DACH1: variants seen among roughly 807,000 people sequenced by gnomAD.
DACH1 encodes the protein dachshund homolog 1.
A neutral mutation model predicts 54.2 loss-of-function variants in DACH1; 12 were observed. The observed-to-expected ratio is 0.22, with a 90% CI of 0.14 to 0.36. The LOEUF (loss-of-function observed/expected upper bound fraction) is 0.36, where lower values mean the gene tolerates loss of function less well. DACH1 is among the 10% of genes least tolerant of loss of function. The pLI is 1.00. For missense variants in DACH1, 805 were observed against 929.8 expected, an observed-to-expected ratio of 0.87 and a Z score of 1.75; for synonymous variants, 386 against 366.2, an observed-to-expected ratio of 1.05 and a Z score of -0.62.
At chr13:71,594,448 C>T (rs996478210) in intron 3 of DACH1, among the ~76,000 whole-genome samples, 1 of 152,004 alleles carries the variant, frequency 6.6e-6, no homozygotes, top group African/African-American at 2.4e-5. Flanking sequence ...GGAAATTTCT[C>T]TCTATCCTTC....
chr13:71,697,977 G>A (rs1034889936), intron 1 of DACH1, among the ~76,000 whole-genome samples: 2 of 152,120 alleles, frequency 1.3e-5, no homozygotes, highest in African/African-American at 4.8e-5. Context: ...ATGCCAGAAA[G>A]TACTGAGTAA....
At chr13:71,804,617 A>ATTGG (rs1393616412) in intron 1 of DACH1, among the ~76,000 whole-genome samples, 1 of 152,128 alleles carries the variant, frequency 6.6e-6, no homozygotes, top group East Asian at 1.9e-4. Context: ...TAGCTACATG[A>ATTGG]TTGGACCTCT....
chr13:71,524,912 T>A (rs1036167661), intron 6 of DACH1, among the ~76,000 whole-genome samples: 4 of 152,134 alleles, frequency 2.6e-5, no homozygotes, highest in Admixed American at 1.3e-4. Flanking sequence ...TAAACGCTTT[T>A]GAAAACATTA....
chr13:71,598,418 C>A (rs764487646), intron 3 of DACH1, among the ~76,000 whole-genome samples: 1 of 151,968 alleles, frequency 6.6e-6, no homozygotes, highest in African/African-American at 2.4e-5. Context: ...CCACGCCCGG[C>A]TAATTTTTGT....
chr13:71,818,398 T>C (rs953296393), intron 1 of DACH1, among the ~76,000 whole-genome samples: 5 of 151,972 alleles, frequency 3.3e-5, no homozygotes, highest in Non-Finnish European at 7.4e-5. Flanking sequence ...CACCAGAGAA[T>C]AGGTTATTAC....
intron 1 of DACH1, among the ~76,000 whole-genome samples, chr13:71,770,301 A>G (rs1885800540): frequency 6.6e-6 from 1 of 151,642 alleles, no homozygotes; most frequent in Non-Finnish European, 1.5e-5. Flanking sequence ...AACAGTCTAA[A>G]GTATCAACAA....
chr13:71,517,738 A>T (rs1881269729), intron 6 of DACH1, among the ~76,000 whole-genome samples: 1 of 151,872 alleles, frequency 6.6e-6, no homozygotes, highest in Non-Finnish European at 1.5e-5. Flanking sequence ...AGAAGTCCTG[A>T]AGCATTGCTT....
chr13:71,780,241 G>T (rs1214102709), intron 1 of DACH1, among the ~76,000 whole-genome samples: 1 of 152,140 alleles, frequency 6.6e-6, no homozygotes, highest in African/African-American at 2.4e-5. Context: ...AGCTTGGCAA[G>T]TTGAGGGAAC....
intron 1 of DACH1, among the ~76,000 whole-genome samples, chr13:71,742,024 T>A (rs765445880): frequency 2.6e-5 from 4 of 152,292 alleles, no homozygotes; most frequent in Admixed American, 6.5e-5. Context: ...GGGGAGGTAA[T>A]TGAATCATGG....
chr13:71,593,626 A>C (rs1449102093), intron 3 of DACH1, among the ~76,000 whole-genome samples: 1 of 152,118 alleles, frequency 6.6e-6, no homozygotes, highest in Admixed American at 6.5e-5. Flanking sequence ...TTTAAAATTC[A>C]AGAAAATGCT....
chr13:71,471,825 AAAAT>A (rs1440590472), intron 10 of DACH1, among the ~76,000 whole-genome samples: 4 of 152,198 alleles, frequency 2.6e-5, no homozygotes, highest in African/African-American at 7.2e-5. Context: ...GAGAAGGAAT[AAAAT>A]AAGATGACGA....
intron 2 of DACH1, chr13:71,675,509 A>G (rs1880508209): frequency 7.7e-7 from 1 of 1,294,578 alleles, no homozygotes; most frequent in Non-Finnish European, 1.0e-6. Context: ...TCATTCTCAA[A>G]AAAAAAATTT....
intron 10 of DACH1, among the ~76,000 whole-genome samples, chr13:71,457,897 C>T (rs1467142121): frequency 6.6e-6 from 1 of 151,878 alleles, no homozygotes; most frequent in Non-Finnish European, 1.5e-5. Flanking sequence ...CTAAATGACA[C>T]ATTGTCACAT....
chr13:71,845,564 A>C (rs893475858), intron 1 of DACH1, among the ~76,000 whole-genome samples: 1 of 152,216 alleles, frequency 6.6e-6, no homozygotes, highest in African/African-American at 2.4e-5. Flanking sequence ...CCATAGTTAC[A>C]TATCAGTTTA....
intron 2 of DACH1, among the ~76,000 whole-genome samples, chr13:71,668,187 C>A (rs754196108): frequency 2.0e-5 from 3 of 151,894 alleles, no homozygotes; most frequent in Non-Finnish European, 4.4e-5. Flanking sequence ...AAACATTTTA[C>A]ATGTTTAAAG....
intron 2 of DACH1, among the ~76,000 whole-genome samples, chr13:71,679,195 T>A (rs1417479804): frequency 6.6e-6 from 1 of 152,208 alleles, no homozygotes; most frequent in Non-Finnish European, 1.5e-5. Context: ...TTAAAGTATC[T>A]TCGGTGTCTC....
At chr13:71,825,267 C>A (rs909357866) in intron 1 of DACH1, among the ~76,000 whole-genome samples, 9 of 152,042 alleles carry the variant, frequency 5.9e-5, no homozygotes, top group Non-Finnish European at 1.3e-4. Flanking sequence ...ATTTAACTCA[C>A]TCCTTTATCC....
At chr13:71,505,530 G>A (rs2138242995) in intron 6 of DACH1, among the ~76,000 whole-genome samples, 1 of 152,008 alleles carries the variant, frequency 6.6e-6, no homozygotes, top group East Asian at 1.9e-4. Context: ...CTAAATGATT[G>A]CACACCACAC....
At chr13:71,534,224 C>A (rs553589354) in intron 6 of DACH1, among the ~76,000 whole-genome samples, 135 of 152,064 alleles carry the variant, frequency 8.9e-4, no homozygotes, top group African/African-American at 3.0e-3. Context: ...TGTTGATTTA[C>A]ATTTTTATTA....
Sources: allele counts gnomAD v4.1 joint callset (sites outside exome capture counted in the v4.1 genomes callset), GRCh38; gene constraint gnomAD v4.1.1; transcripts MANE v1.5; gene names NCBI Gene and HGNC (gene_info 2026-07-23, HGNC 2026-07-21).